Variants in GRK3 observed in about 807,000 individuals in gnomAD.
GRK3 encodes the protein G protein-coupled receptor kinase 3.
In GRK3, 54 loss-of-function variants were observed where a neutral mutation model predicts 95.7. The observed-to-expected ratio is 0.56, with a 90% confidence interval of 0.45 to 0.71. The LOEUF is 0.71. GRK3 is among the 30% of genes least tolerant of loss of function. GRK3 has a pLI of 0.00. For synonymous variants in GRK3, 281 were observed against 290.8 expected (o/e 0.97, Z 0.34); for missense variants, 649 against 851.2 (o/e 0.76, Z 2.96).
intron 1 of GRK3, among the ~76,000 whole-genome samples, chr22:25,567,420 G>A (rs1269222900): frequency 1.3e-5 from 2 of 152,296 alleles, no homozygotes; most frequent in Middle Eastern, 3.4e-3. Context: ...CCACTGGATG[G>A]CAGTTAGTGG....
chr22:25,565,393 C>T (rs988635075), intron 1 of GRK3, among the ~76,000 whole-genome samples: 3 of 152,212 alleles, frequency 2.0e-5, no homozygotes, highest in Admixed American at 2.0e-4. Context: ...GCCCTGCGCG[C>T]AGCGAGCGCC....
At chr22:25,570,311 C>T (rs954760683) in intron 1 of GRK3, among the ~76,000 whole-genome samples, 1 of 152,094 alleles carries the variant, frequency 6.6e-6, no homozygotes, top group African/African-American at 2.4e-5. Context: ...ACCATCTCAC[C>T]CCCCAAGGCC....
chr22:25,599,460 C>T (rs113737000), intron 1 of GRK3, among the ~76,000 whole-genome samples: 26 of 151,582 alleles, frequency 1.7e-4, no homozygotes, highest in African/African-American at 6.1e-4. Flanking sequence ...GGCGTGGTGG[C>T]GGGTGCCTAT....
intron 1 of GRK3, among the ~76,000 whole-genome samples, chr22:25,602,339 G>A (rs1051597798): frequency 2.6e-5 from 4 of 152,192 alleles, no homozygotes; most frequent in African/African-American, 9.6e-5. Context: ...TGACAAGGAT[G>A]TGGAACAACT....
intron 9 of GRK3, chr22:25,684,666 G>A (rs2085099253): frequency 6.6e-6 from 1 of 152,276 alleles, no homozygotes; most frequent in Admixed American, 6.5e-5. Flanking sequence ...ATGGTGATAT[G>A]TTTCTGTATC....
intron 3 of GRK3, among the ~76,000 whole-genome samples, chr22:25,659,103 G>A (rs1441337333): frequency 6.6e-6 from 1 of 152,124 alleles, no homozygotes; most frequent in East Asian, 1.9e-4. Flanking sequence ...TGGTGAAGAA[G>A]GGGTGCCCCC....
intron 2 of GRK3, among the ~76,000 whole-genome samples, chr22:25,608,653 A>T (rs565726381): frequency 3.9e-5 from 6 of 152,332 alleles, no homozygotes; most frequent in African/African-American, 1.4e-4. Context: ...CAGCGAGGAA[A>T]CAGCCACCTC....
chr22:25,692,207 A>G (rs952005528), intron 12 of GRK3, among the ~76,000 whole-genome samples: 1 of 151,914 alleles, frequency 6.6e-6, no homozygotes, highest in Non-Finnish European at 1.5e-5. Context: ...GACTCAAGCA[A>G]CCCTCCCACT....
intron 15 of GRK3, among the ~76,000 whole-genome samples, chr22:25,708,717 A>C (rs1312560451): frequency 6.6e-6 from 1 of 151,204 alleles, no homozygotes; most frequent in Non-Finnish European, 1.5e-5. Context: ...GCTGGAGTGC[A>C]ATGGCACAAT....
chr22:25,632,697 A>G (rs1199436695), intron 2 of GRK3, among the ~76,000 whole-genome samples: 1 of 152,190 alleles, frequency 6.6e-6, no homozygotes, highest in African/African-American at 2.4e-5. Flanking sequence ...TTTTGTAGGA[A>G]TCACATATTT....
chr22:25,626,025 G>A (rs1305583935), intron 2 of GRK3, among the ~76,000 whole-genome samples: 1 of 151,830 alleles, frequency 6.6e-6, no homozygotes, highest in African/African-American at 2.4e-5. Flanking sequence ...TGGTCCCCTG[G>A]GCCCAGCTGT....
At chr22:25,592,004 T>G (rs1256669708) in intron 1 of GRK3, among the ~76,000 whole-genome samples, 1 of 152,224 alleles carries the variant, frequency 6.6e-6, no homozygotes, top group South Asian at 2.1e-4. Context: ...TACCTAAAAA[T>G]GGAATGGATT....
At position 25,648,624 on chromosome 22, in the gene GRK3, G is replaced by C. The variant is rs183997573; in HGVS notation, c.264+3959G>C. ...TGTTCCACTATATGCTGTTGTTTCTGAAGAGCCAATTTACATTGTCACTGA... is the reference window on the plus strand; with the variant it reads ...TGTTCCACTATATGCTGTTGTTTCTCAAGAGCCAATTTACATTGTCACTGA... On this transcript the variant is annotated intron_variant, in intron 3 of 20. Coordinates refer to ENST00000324198, the MANE Select transcript of GRK3 (RefSeq NM_005160.4). 3,291 of 1,086,354 alleles carry C rather than the reference G, an allele frequency of 3.0e-3. 56 individuals carry two copies. The highest frequency in any genetic ancestry group is 0.026 in the South Asian group (2,051 of 78,264). 67.3% of individuals were successfully genotyped at this position (1,086,354 alleles called of 1,614,324 possible). A position where few individuals can be genotyped will look rare whatever the true frequency, so the allele number is the denominator to read the frequency against.
At chr22:25,568,263 G>C (rs138240536) in intron 1 of GRK3, among the ~76,000 whole-genome samples, 1 of 152,010 alleles carries the variant, frequency 6.6e-6, no homozygotes. Context: ...CTTAAGCCCT[G>C]GAGTGATTCA....
At chr22:25,568,750 T>C (rs1455490370) in intron 1 of GRK3, among the ~76,000 whole-genome samples, 7 of 152,244 alleles carry the variant, frequency 4.6e-5, no homozygotes, top group Non-Finnish European at 8.8e-5. Context: ...GAAGATTTTA[T>C]TTAACCACAA....
intron 9 of GRK3, among the ~76,000 whole-genome samples, chr22:25,684,852 C>T (rs2085100618): frequency 6.6e-6 from 1 of 152,096 alleles, no homozygotes; most frequent in Non-Finnish European, 1.5e-5. Flanking sequence ...GTGCTCAATG[C>T]ATGGGGTGGC....
rs2085405216 is a variant in GRK3 at position 25,718,528 on chromosome 22, C to T, written c.1791+147C>T. ...TCTACATGAGATTGTAATGTGCAAACTTTAACTTGTTTTTAAACTTCCAAG... is the reference window on the plus strand; with the variant it reads ...TCTACATGAGATTGTAATGTGCAAATTTTAACTTGTTTTTAAACTTCCAAG... On this transcript the variant is annotated intron_variant, in intron 19 of 20. Transcript: ENST00000324198. The T allele has an allele frequency of 5.2e-6, 5 of 955,596 alleles. No individual in the cohort carries two copies. In the South Asian group the frequency reaches 7.2e-5, roughly 14 times the overall value. The allele number at this position is 955,596 out of a possible 1,614,324, so 59.2% of individuals were successfully genotyped here. A position where few individuals can be genotyped will look rare whatever the true frequency, so the allele number is the denominator to read the frequency against.
chr22:25,635,889 T>C (rs1240096887), intron 2 of GRK3, among the ~76,000 whole-genome samples: 1 of 152,254 alleles, frequency 6.6e-6, no homozygotes, highest in Middle Eastern at 3.2e-3. Flanking sequence ...CCATAGTTTT[T>C]GACTGGCATT....
chr22:25,628,586 T>TG (rs2084643579), intron 2 of GRK3, among the ~76,000 whole-genome samples: 1 of 152,224 alleles, frequency 6.6e-6, no homozygotes. Flanking sequence ...AGGCTGATGT[T>TG]GACAGTGTGT....
Sources: gnomAD v4.1 joint callset for allele counts (sites outside exome capture counted in the v4.1 genomes callset) on GRCh38, gnomAD v4.1.1 for gene constraint, MANE v1.5 for transcripts, NCBI Gene and HGNC (gene_info 2026-07-23, HGNC 2026-07-21) for gene names.